KLF12: variants seen among roughly 807,000 people sequenced by gnomAD.
KLF12 encodes Krueppel-like factor 12.
In KLF12, 9 loss-of-function variants were observed where a neutral mutation model predicts 37.8. The ratio of observed to expected loss-of-function variants is 0.24; its 90% CI spans 0.14 to 0.42. The LOEUF (loss-of-function observed/expected upper bound fraction) is 0.42, where lower values mean the gene tolerates loss of function less well. Among genes scored for constraint, KLF12 ranks in the 10% least tolerant of loss-of-function variants. The pLI is 1.00. For synonymous variants in KLF12, 208 were observed against 202.1 expected (o/e 1.03, Z -0.25); for missense variants, 411 against 516.0 (o/e 0.80, Z 1.97).
Position 73,963,351 on chromosome 13 carries a change from T to TACACAC in KLF12, c.34-19287_34-19282dup, listed in dbSNP as rs57682253. On this transcript the variant is annotated intron_variant, in intron 2 of 7. Coordinates refer to ENST00000377669, the MANE Select transcript of KLF12 (RefSeq NM_007249.5). ...TATGCTGAAGTATAGTACTTCAGTA[T>TACACAC]ACACACACACACACACACACTCGGA... Among the ~76,000 whole-genome samples the TACACAC allele has an allele frequency of 8.5e-3, 1,269 of 149,304 alleles. 20 individuals are homozygous for TACACAC. The highest frequency in any genetic ancestry group is 0.043 in the Admixed American group (641 of 15,010).
At chr13:73,910,875 T>C (rs1358769673) in intron 3 of KLF12, among the ~76,000 whole-genome samples, 3 of 152,164 alleles carry the variant, frequency 2.0e-5, no homozygotes, top group Non-Finnish European at 4.4e-5. Context: ...GAAGTGAAAC[T>C]GGTAGCTTCA....
At chr13:73,744,724 C>T (rs1454864232) in intron 6 of KLF12, among the ~76,000 whole-genome samples, 1 of 152,108 alleles carries the variant, frequency 6.6e-6, no homozygotes, top group Non-Finnish European at 1.5e-5. Context: ...ATGAGCATGA[C>T]AAAACGATGC....
At chr13:74,260,628 T>TAAG in the KLF12 span, among the ~76,000 whole-genome samples, 2 of 139,992 alleles carry the variant, frequency 1.4e-5, no homozygotes, top group African/African-American at 5.4e-5. Context: ...TAAAATAAAA[T>TAAG]AGTGAATTAA....
chr13:74,290,674 T>C, the KLF12 span, among the ~76,000 whole-genome samples: 3 of 152,058 alleles, frequency 2.0e-5, no homozygotes, highest in Non-Finnish European at 4.4e-5. Flanking sequence ...CCTGTCATTC[T>C]GAGTACTTCT....
At chr13:74,270,339 CA>C in the KLF12 span, among the ~76,000 whole-genome samples, 1 of 152,150 alleles carries the variant, frequency 6.6e-6, no homozygotes, top group Non-Finnish European at 1.5e-5. Context: ...GATATGGTAT[CA>C]GGCCAACCTC....
intron 3 of KLF12, among the ~76,000 whole-genome samples, chr13:73,934,039 C>A (rs113991578): frequency 6.6e-6 from 1 of 152,116 alleles, no homozygotes; most frequent in Non-Finnish European, 1.5e-5. Context: ...ATTCTACTGT[C>A]GAAGATTTTG....
chr13:73,777,762 T>G (rs543963540), intron 5 of KLF12, among the ~76,000 whole-genome samples: 27 of 151,750 alleles, frequency 1.8e-4, no homozygotes, highest in African/African-American at 6.0e-4. Context: ...GCAAATGGAC[T>G]AGAAATGAAA....
At chr13:73,757,505 T>C (rs1247046211) in intron 6 of KLF12, among the ~76,000 whole-genome samples, 1 of 152,140 alleles carries the variant, frequency 6.6e-6, no homozygotes, top group South Asian at 2.1e-4. Flanking sequence ...TGAGAAAAAT[T>C]ATATTGAGGT....
At chr13:74,047,504 G>A (rs916104289) in intron 1 of KLF12, among the ~76,000 whole-genome samples, 3 of 151,798 alleles carry the variant, frequency 2.0e-5, no homozygotes, top group African/African-American at 7.3e-5. Context: ...GGCTGAGGTA[G>A]GAGAATGGAG....
At chr13:73,763,279 G>A (rs551081823) in intron 6 of KLF12, among the ~76,000 whole-genome samples, 4 of 152,134 alleles carry the variant, frequency 2.6e-5, no homozygotes, top group Admixed American at 6.5e-5. Context: ...GTGTGATATC[G>A]TATATGTGCC....
At chr13:74,075,657 C>G (rs9530272) in intron 1 of KLF12, among the ~76,000 whole-genome samples, 1 of 152,172 alleles carries the variant, frequency 6.6e-6, no homozygotes, top group African/African-American at 2.4e-5. Context: ...CATTTAATAA[C>G]CACATGTATG....
At chr13:74,188,072 T>C in the KLF12 span, among the ~76,000 whole-genome samples, 1 of 152,186 alleles carries the variant, frequency 6.6e-6, no homozygotes. Flanking sequence ...GGACATGCTC[T>C]TCCTTTGAGG....
chr13:73,828,658 A>G (rs1035340286), intron 4 of KLF12, among the ~76,000 whole-genome samples: 6 of 152,192 alleles, frequency 3.9e-5, no homozygotes, highest in Non-Finnish European at 8.8e-5. Context: ...TTCATGCCCA[A>G]AACTTTAATG....
upstream of KLF12, among the ~76,000 whole-genome samples, chr13:74,134,907 GC>G (rs1566229824): frequency 6.6e-6 from 1 of 151,924 alleles, no homozygotes; most frequent in Non-Finnish European, 1.5e-5. Context: ...CCCGCGGCTC[GC>G]CCGCCAGCGA....
the KLF12 span, among the ~76,000 whole-genome samples, chr13:74,281,110 A>G: frequency 2.0e-5 from 3 of 151,738 alleles, no homozygotes; most frequent in Non-Finnish European, 4.4e-5. Flanking sequence ...TTTTTCTTTC[A>G]TCTTCCCCCT....
At chr13:74,197,935 A>C in the KLF12 span, among the ~76,000 whole-genome samples, 1 of 152,168 alleles carries the variant, frequency 6.6e-6, no homozygotes, top group East Asian at 1.9e-4. Flanking sequence ...CAACTTAAAA[A>C]AAATTTTCTA....
rs370640626 is a variant in KLF12 at position 74,004,001 on chromosome 13, T to C, written c.-31-8948A>G. The stretch of plus-strand genomic sequence containing the variant: ...AAGTGAAATGACATGATCAAATAAT[T>C]ATTGAGAGTAAGCAGGTTAAGGGCT... On this transcript the variant is annotated intron_variant, in intron 1 of 7. Coordinates refer to ENST00000377669, the MANE Select transcript of KLF12 (RefSeq NM_007249.5). Among the ~76,000 whole-genome samples the C allele has an allele frequency of 2.8e-3, 427 of 152,160 alleles. 4 individuals are homozygous for C. Among genetic ancestry groups the C allele is most frequent in the African/African-American group, 9.4e-3 (392 of 41,512 alleles).
In KLF12 at chr13:74,006,047, T is replaced by C. The variant is rs548756829; in HGVS notation, c.-31-10994A>G. Among the ~76,000 whole-genome samples the C allele has an allele frequency of 1.4e-3, 218 of 152,320 alleles. 2 individuals carry two copies. The highest frequency in any genetic ancestry group is 5.1e-3 in the African/African-American group (210 of 41,578). ...CTCTCCTGCCTTAAAAATATTCAGA[T>C]GTTTACTATACAACACTTTAGTTTT... On this transcript the variant is annotated intron_variant, in intron 1 of 7. Coordinates refer to ENST00000377669, the MANE Select transcript of KLF12 (RefSeq NM_007249.5).
chr13:73,999,638 G>T (rs1335567739), intron 1 of KLF12, among the ~76,000 whole-genome samples: 1 of 152,066 alleles, frequency 6.6e-6, no homozygotes, highest in East Asian at 1.9e-4. Context: ...TACTCTGGAG[G>T]CTGAGGCAGG....
Sources: gnomAD v4.1 joint callset for allele counts (sites outside exome capture counted in the v4.1 genomes callset) on GRCh38, gnomAD v4.1.1 for gene constraint, MANE v1.5 for transcripts, NCBI Gene and HGNC (gene_info 2026-07-23, HGNC 2026-07-21) for gene names.